Variants in DNAJC1 observed in about 807,000 individuals in gnomAD.
DNAJC1 encodes dnaJ homolog subfamily C member 1.
In DNAJC1, 58 loss-of-function variants were observed where a neutral mutation model predicts 76.6. That is an observed-to-expected ratio of 0.76 (90% CI 0.61 to 0.94). The LOEUF is 0.94. Among genes scored for constraint, DNAJC1 ranks in the 40% least tolerant of loss-of-function variants. The pLI is 0.00. For missense variants in DNAJC1, 689 were observed against 677.3 expected (o/e 1.02, Z -0.19); for synonymous variants, 258 against 267.9 (o/e 0.96, Z 0.36).
intron 1 of DNAJC1, among the ~76,000 whole-genome samples, chr10:21,968,442 C>A (rs1329926901): frequency 6.6e-6 from 1 of 152,092 alleles, no homozygotes; most frequent in Non-Finnish European, 1.5e-5. Context: ...GAGTTCCTAG[C>A]CACTATGCTT....
intron 6 of DNAJC1, among the ~76,000 whole-genome samples, chr10:21,911,483 C>T (rs988871673): frequency 2.0e-5 from 3 of 152,016 alleles, no homozygotes; most frequent in Admixed American, 6.5e-5. Context: ...AATTTCTGTA[C>T]AGAACTATAA....
intron 7 of DNAJC1, among the ~76,000 whole-genome samples, chr10:21,888,937 C>G (rs1836413029): frequency 6.6e-6 from 1 of 152,012 alleles, no homozygotes; most frequent in Non-Finnish European, 1.5e-5. Context: ...CTTTTAGGTT[C>G]ACATGTTCCC....
intron 1 of DNAJC1, among the ~76,000 whole-genome samples, chr10:21,957,179 T>A (rs1837702843): frequency 6.6e-6 from 1 of 152,068 alleles, no homozygotes; most frequent in Non-Finnish European, 1.5e-5. Context: ...TGTGAGCCAC[T>A]GCGCCTGACC....
rs377733980 is a variant in DNAJC1, at chr10:21,815,986, C to T, written c.979-9887G>A. Among the ~76,000 whole-genome samples, 236 of 151,532 alleles carry T rather than the reference C, an allele frequency of 1.6e-3. 1 individual carries two copies. Among genetic ancestry groups the T allele is most frequent in the African/African-American group, 5.3e-3 (218 of 41,378 alleles). ...CTCGAACTCCTGACCTCAAGTGATCCGCCTGTATCGGCCTCCCAAAGTGCT... is the reference window on the plus strand; with the variant it reads ...CTCGAACTCCTGACCTCAAGTGATCTGCCTGTATCGGCCTCCCAAAGTGCT... On this transcript the variant is annotated intron_variant, in intron 8 of 11. Transcript: ENST00000376980.
intron 7 of DNAJC1, among the ~76,000 whole-genome samples, chr10:21,887,146 C>G (rs1015183526): frequency 3.3e-5 from 5 of 151,938 alleles, no homozygotes; most frequent in African/African-American, 1.2e-4. Flanking sequence ...ACAACTGCCG[C>G]AAAAAGAATA....
intron 1 of DNAJC1, among the ~76,000 whole-genome samples, chr10:21,970,605 A>T (rs1837961840): frequency 6.6e-6 from 1 of 151,996 alleles, no homozygotes; most frequent in East Asian, 1.9e-4. Context: ...AGACCTTGAC[A>T]AACTCTTTCC....
Position 22,003,730 on chromosome 10 carries a change from T to C in DNAJC1, c.-296A>G. On this transcript the variant is annotated 5_prime_UTR_variant, in exon 1 of 12. Transcript: ENST00000376980. ...AGCGCCCGGCGCCTGGGCTGCACAG[T>C]GGGTGAGGCTTCCCTTCGCCTCAGC... The C allele has an allele frequency of 3.1e-6, 1 of 323,744 alleles. No homozygotes were observed. Among genetic ancestry groups the C allele is most frequent in the Admixed American group, 4.9e-5 (1 of 20,206 alleles). 20.1% of individuals were successfully genotyped at this position (323,744 alleles called of 1,614,324 possible). A position where few individuals can be genotyped will look rare whatever the true frequency, so the allele number is the denominator to read the frequency against.
intron 8 of DNAJC1, among the ~76,000 whole-genome samples, chr10:21,818,053 A>G (rs1835103179): frequency 6.6e-6 from 1 of 152,264 alleles, no homozygotes; most frequent in South Asian, 2.1e-4. Flanking sequence ...TTCAGGGAAC[A>G]AGAGAGATAA....
At chr10:21,803,380 T>C (rs1447716159) in intron 9 of DNAJC1, among the ~76,000 whole-genome samples, 1 of 152,118 alleles carries the variant, frequency 6.6e-6, no homozygotes, top group Non-Finnish European at 1.5e-5. Flanking sequence ...TTTTTCATAA[T>C]CGAATACTTA....
At chr10:21,974,100 CAA>C (rs576578440) in intron 1 of DNAJC1, among the ~76,000 whole-genome samples, 6 of 74,320 alleles carry the variant, frequency 8.1e-5, no homozygotes, top group Non-Finnish European at 1.4e-4. Flanking sequence ...AGACCCGTCT[CAA>C]AAAAAAAAAA....
intron 8 of DNAJC1, among the ~76,000 whole-genome samples, chr10:21,871,884 C>T (rs1329038446): frequency 6.6e-6 from 1 of 151,810 alleles, no homozygotes; most frequent in Non-Finnish European, 1.5e-5. Context: ...ATCCTCCTGC[C>T]TCAGCTTCCC....
At chr10:21,953,097 AAAGT>A (rs1486459547) in intron 1 of DNAJC1, among the ~76,000 whole-genome samples, 1 of 152,192 alleles carries the variant, frequency 6.6e-6, no homozygotes, top group Non-Finnish European at 1.5e-5. Context: ...ATTACTGAAG[AAAGT>A]AAGAATATTT....
chr10:21,847,319 G>A (rs1835675919), intron 8 of DNAJC1, among the ~76,000 whole-genome samples: 1 of 152,034 alleles, frequency 6.6e-6, no homozygotes, highest in Non-Finnish European at 1.5e-5. Flanking sequence ...TTTTAAAATT[G>A]ATATATAATA....
At chr10:21,807,447 A>C (rs1209193785) in intron 8 of DNAJC1, among the ~76,000 whole-genome samples, 1 of 152,188 alleles carries the variant, frequency 6.6e-6, no homozygotes, top group Non-Finnish European at 1.5e-5. Flanking sequence ...TCAATGGTTC[A>C]AGCGTGCTCT....
intron 9 of DNAJC1, among the ~76,000 whole-genome samples, chr10:21,786,012 C>A (rs1219037088): frequency 6.6e-6 from 1 of 152,120 alleles, no homozygotes; most frequent in African/African-American, 2.4e-5. Flanking sequence ...AGATCCACTC[C>A]TGCTCATTAA....
At chr10:21,851,600 A>C (rs1835755255) in intron 8 of DNAJC1, among the ~76,000 whole-genome samples, 1 of 152,228 alleles carries the variant, frequency 6.6e-6, no homozygotes, top group South Asian at 2.1e-4. Flanking sequence ...AGTTAAACAT[A>C]AAATTACCAT....
At chr10:21,948,090 T>C (rs1837534631) in intron 1 of DNAJC1, among the ~76,000 whole-genome samples, 1 of 149,972 alleles carries the variant, frequency 6.7e-6, no homozygotes, top group Admixed American at 6.6e-5. Context: ...TTCCTTGCAG[T>C]CTTTTTTTTT....
intron 1 of DNAJC1, among the ~76,000 whole-genome samples, chr10:22,000,925 A>G (rs1385898062): frequency 6.6e-6 from 1 of 152,204 alleles, no homozygotes; most frequent in East Asian, 1.9e-4. Context: ...TGTCCAGTTC[A>G]TGGCATTTTG....
intron 8 of DNAJC1, among the ~76,000 whole-genome samples, chr10:21,860,084 G>C (rs868159129): frequency 6.6e-6 from 1 of 151,252 alleles, no homozygotes; most frequent in Admixed American, 6.6e-5. Flanking sequence ...TGCCCGGCCA[G>C]AGTCAACTTC....
Sources: allele counts gnomAD v4.1 joint callset (sites outside exome capture counted in the v4.1 genomes callset), GRCh38; gene constraint gnomAD v4.1.1; transcripts MANE v1.5; gene names NCBI Gene and HGNC (gene_info 2026-07-23, HGNC 2026-07-21).